The following KAZN variants were observed in gnomAD, a reference collection of about 807,000 sequenced individuals.
The protein encoded by KAZN is kazrin, periplakin interacting protein, also known as kazrin.
A neutral mutation model predicts 87.4 loss-of-function variants in KAZN; 40 were observed. The ratio of observed to expected loss-of-function variants is 0.46; its 90% CI spans 0.36 to 0.60. The LOEUF is 0.60. Ranked by LOEUF, KAZN falls within the 20% of genes least tolerant of loss-of-function variation. The probability of loss-of-function intolerance (pLI) is 0.00; values close to 1 mark genes in which losing one functional copy is unlikely to be tolerated. For synonymous variants in KAZN, 466 were observed against 458.3 expected, an observed-to-expected ratio of 1.02 and a Z score of -0.22; for missense variants, 898 against 1,073.9, an observed-to-expected ratio of 0.84 and a Z score of 2.29.
chr1:14,893,911 A>G (rs1414660184), intron 1 of KAZN, among the ~76,000 whole-genome samples: 3 of 152,170 alleles, frequency 2.0e-5, no homozygotes, highest in African/African-American at 7.2e-5. Flanking sequence ...AGCCGAAAAG[A>G]AGACACATCT....
Position 14,328,480 on chromosome 1 carries a change from G to A in KAZN, c.249+147888G>A, listed in dbSNP as rs192869983. Among the ~76,000 whole-genome samples the A allele has an allele frequency of 7.2e-5, 11 of 152,216 alleles. No individual in the cohort carries two copies. In the East Asian group the frequency reaches 1.9e-3, roughly 27 times the overall value. ...ACAGTTTGGGAGCCCGAGGCAGGCA[G>A]ATCATGAGGGCAGGAGATTGAGACC... On this transcript the variant is annotated intron_variant, in intron 2 of 16. Transcript: ENST00000636203.
At chr1:14,269,654 A>G (rs541959104) in intron 2 of KAZN, among the ~76,000 whole-genome samples, 1 of 152,330 alleles carries the variant, frequency 6.6e-6, no homozygotes, top group South Asian at 2.1e-4. Flanking sequence ...AACTCAGCGC[A>G]CTGTTGTGGA....
At chr1:14,664,656 T>C (rs979757900) in intron 1 of KAZN, among the ~76,000 whole-genome samples, 16 of 148,898 alleles carry the variant, frequency 1.1e-4, no homozygotes, top group Non-Finnish European at 1.7e-4. Flanking sequence ...TTTTTCTCTT[T>C]TTTTTTTTTT....
At chr1:14,245,117 C>A (rs183324214) in intron 2 of KAZN, among the ~76,000 whole-genome samples, 1 of 151,976 alleles carries the variant, frequency 6.6e-6, no homozygotes, top group Non-Finnish European at 1.5e-5. Flanking sequence ...CCCACCACCA[C>A]GCCTGGCTGA....
intron 2 of KAZN, among the ~76,000 whole-genome samples, chr1:15,002,561 C>T (rs890193139): frequency 3.9e-5 from 6 of 152,194 alleles, no homozygotes; most frequent in Non-Finnish European, 7.3e-5. Context: ...CTTAGTTTCC[C>T]GGAACCTAAG....
chr1:15,001,490 A>G (rs1346851302), intron 2 of KAZN, among the ~76,000 whole-genome samples: 1 of 151,874 alleles, frequency 6.6e-6, no homozygotes, highest in African/African-American at 2.4e-5. Context: ...AAGTTTTGCA[A>G]TGTTGCTGGT....
intron 2 of KAZN, among the ~76,000 whole-genome samples, chr1:14,240,684 C>T (rs898524801): frequency 3.9e-5 from 6 of 152,242 alleles, no homozygotes; most frequent in African/African-American, 1.4e-4. Context: ...CTTGGAAAAC[C>T]ACATCTCTTG....
At chr1:14,017,618 A>T (rs564087596) in intron 1 of KAZN, among the ~76,000 whole-genome samples, 178 of 152,316 alleles carry the variant, frequency 1.2e-3, no homozygotes, top group Middle Eastern at 0.01. Flanking sequence ...TTACACCCCA[A>T]TGCTTCACCA....
chr1:14,174,486 G>A (rs1170894875), intron 1 of KAZN, among the ~76,000 whole-genome samples: 1 of 152,118 alleles, frequency 6.6e-6, no homozygotes, highest in African/African-American at 2.4e-5. Context: ...GCAGTTTTGC[G>A]GATTATACAA....
At chr1:14,672,203 C>T (rs1362214734) in intron 1 of KAZN, among the ~76,000 whole-genome samples, 1 of 152,176 alleles carries the variant, frequency 6.6e-6, no homozygotes, top group Non-Finnish European at 1.5e-5. Flanking sequence ...AGCTCATTTG[C>T]ATTCCCCCAG....
chr1:14,295,001 C>A (rs184305855), intron 2 of KAZN, among the ~76,000 whole-genome samples: 14 of 151,850 alleles, frequency 9.2e-5, no homozygotes, highest in African/African-American at 3.4e-4. Context: ...CAGACCCGTG[C>A]TTATCTACAG....
At chr1:14,514,593 T>TATAG (rs1671184906) in intron 2 of KAZN, among the ~76,000 whole-genome samples, 1 of 28,264 alleles carries the variant, frequency 3.5e-5, no homozygotes, top group Non-Finnish European at 7.1e-5. Flanking sequence ...TTTTTTTATA[T>TATAG]TTTATATATA....
chr1:14,019,933 T>C (rs1640746047), intron 1 of KAZN, among the ~76,000 whole-genome samples: 1 of 152,106 alleles, frequency 6.6e-6, no homozygotes, highest in Admixed American at 6.5e-5. Flanking sequence ...ATTTCTATTA[T>C]TGTTACATTG....
At chr1:14,904,254 G>A (rs187390441) in intron 1 of KAZN, among the ~76,000 whole-genome samples, 45 of 149,734 alleles carry the variant, frequency 3.0e-4, no homozygotes, top group African/African-American at 1.1e-3. Context: ...GCAGTGAGCC[G>A]AGATAGCGCC....
chr1:15,074,806 CT>C (rs1178620036), intron 8 of KAZN, among the ~76,000 whole-genome samples: 1 of 152,144 alleles, frequency 6.6e-6, no homozygotes. Context: ...CCTGCTGTGC[CT>C]TCGTTTCTTC....
At chr1:15,027,104 CAG>C (rs59354791) in intron 2 of KAZN, among the ~76,000 whole-genome samples, 7,892 of 46,974 alleles carry the variant, frequency 0.17, 492 homozygotes, top group Middle Eastern at 0.37. Context: ...TTTTTTGAGA[CAG>C]AGTCTCGCTC....
chr1:14,310,606 C>T (rs1655219028), intron 2 of KAZN, among the ~76,000 whole-genome samples: 1 of 152,202 alleles, frequency 6.6e-6, no homozygotes, highest in Non-Finnish European at 1.5e-5. Context: ...CAATTTCACA[C>T]ATTCAAATTG....
chr1:14,845,198 G>A (rs1221763459), intron 1 of KAZN, among the ~76,000 whole-genome samples: 3 of 150,708 alleles, frequency 2.0e-5, no homozygotes, highest in African/African-American at 7.3e-5. Flanking sequence ...TGGATGGATG[G>A]GTGAGTGAGT....
At chr1:14,248,488 G>A (rs1010852382) in intron 2 of KAZN, among the ~76,000 whole-genome samples, 1 of 152,256 alleles carries the variant, frequency 6.6e-6, no homozygotes, top group Non-Finnish European at 1.5e-5. Flanking sequence ...CTAGCAGAGG[G>A]TGTGGATGCC....
Sources: allele counts gnomAD v4.1 joint callset (sites outside exome capture counted in the v4.1 genomes callset), GRCh38; gene constraint gnomAD v4.1.1; transcripts MANE v1.5; gene names NCBI Gene and HGNC (gene_info 2026-07-23, HGNC 2026-07-21).